The following A1CF variants were observed in gnomAD, a reference collection of about 807,000 sequenced individuals.
A1CF encodes APOBEC-1 stimulating protein.
A1CF carries 48 observed loss-of-function variants against 68.9 expected under a neutral mutation model. The observed-to-expected ratio is 0.70, with a 90% CI of 0.55 to 0.89. A1CF has a LOEUF of 0.89. Ranked by LOEUF, A1CF falls within the 40% of genes least tolerant of loss-of-function variation. A1CF has a pLI of 0.00. For synonymous variants in A1CF, 272 were observed against 260.4 expected (o/e 1.04, Z -0.43); for missense variants, 653 against 718.9 (o/e 0.91, Z 1.05).
intron 6 of A1CF, 111 bp from the exon 7 acceptor site, chr10:50,828,406 G>A (rs1839074377): frequency 2.5e-6 from 2 of 788,076 alleles, no homozygotes; most frequent in East Asian, 5.3e-5. Context: ...TCTTGAATGA[G>A]CAAGAAGACC....
At chr10:50,853,699 A>T (rs1840349660) in intron 3 of A1CF, among the ~76,000 whole-genome samples, 1 of 151,684 alleles carries the variant, frequency 6.6e-6, no homozygotes, top group South Asian at 2.1e-4. Flanking sequence ...TAAAAACTAG[A>T]TTCGCTTCTA....
chr10:50,875,974 A>C (rs1785906212), intron 1 of A1CF, among the ~76,000 whole-genome samples: 2 of 152,146 alleles, frequency 1.3e-5, no homozygotes, highest in African/African-American at 4.8e-5. Context: ...CTTTCAATAC[A>C]AGTCTGGAGC....
In A1CF at chr10:50,828,298, G is replaced by A; in HGVS notation, c.605-3C>T. The A allele has an allele frequency of 6.5e-7, 1 of 1,539,574 alleles. No individual in the cohort carries two copies. The highest frequency in any genetic ancestry group is 8.8e-7 in the Non-Finnish European group (1 of 1,133,862). On this transcript the variant is annotated splice_polypyrimidine_tract_variant and splice_region_variant and intron_variant, in intron 6 of 12. Transcript: ENST00000373997. ...ATGTCCCCATAACTGAATTCTTCCT[G>A]TTGAAAATGATCACCATTATGATTA...
chr10:50,814,130 G>A lies in A1CF; in HGVS notation c.1142-92C>T, dbSNP rs901661982. 1.0e-5 allele frequency: 15 copies of A among 1,449,096 alleles called. No individual in the cohort carries two copies. The African/African-American group carries it at 1.1e-4, about 11-fold the overall frequency. 89.8% of individuals were successfully genotyped at this position (1,449,096 alleles called of 1,614,324 possible). A position where few individuals can be genotyped will look rare whatever the true frequency, so the allele number is the denominator to read the frequency against. Reference sequence around the variant, plus strand: ...AAATCACCCTGAATCTTACTGTAATGGAAAAGTTAGCCCAATTCACGTTGA... The same window carrying A: ...AAATCACCCTGAATCTTACTGTAATAGAAAAGTTAGCCCAATTCACGTTGA... On this transcript the variant is annotated intron_variant, in intron 9 of 12. Coordinates refer to ENST00000373997, the MANE Select transcript of A1CF (RefSeq NM_014576.4).
rs935280367 is a variant in A1CF at position 50,800,880 on chromosome 10, A to T, written c.*5849T>A. ...ATGCAAGGGAATTAGTGTTGGAGCAAATTTGTGAAGCAGAAGGAAAAAAGG... is the reference window on the plus strand; with the variant it reads ...ATGCAAGGGAATTAGTGTTGGAGCATATTTGTGAAGCAGAAGGAAAAAAGG... On this transcript the variant is annotated 3_prime_UTR_variant, in exon 13 of 13. Transcript: ENST00000373997. 6.6e-6 allele frequency: 1 copy of T among 152,168 alleles called. No homozygotes were observed. The highest frequency in any genetic ancestry group is 1.5e-5 in the Non-Finnish European group (1 of 68,024). The allele number at this position is 152,168 out of a possible 1,614,324, so 9.4% of individuals were successfully genotyped here.
intron 1 of A1CF, among the ~76,000 whole-genome samples, chr10:50,874,701 G>A (rs1429270947): frequency 6.6e-6 from 1 of 152,128 alleles, no homozygotes; most frequent in African/African-American, 2.4e-5. Context: ...TCCCTTAACT[G>A]TTACTTGCAA....
rs1386304016 is a variant in A1CF at position 50,806,588 on chromosome 10, T to C, written c.*141A>G. The C allele has an allele frequency of 1.5e-5, 9 of 599,364 alleles. No individual in the cohort carries two copies. Among genetic ancestry groups the C allele is most frequent in the Non-Finnish European group, 2.0e-5 (8 of 393,802 alleles). The allele number at this position is 599,364 out of a possible 1,614,324, so 37.1% of individuals were successfully genotyped here. Reference sequence around the variant, plus strand: ...TCTTACTTCATGATTCTATAATTGGTATAAGCTATACAGTCTCTGGAAAGG... The same window carrying C: ...TCTTACTTCATGATTCTATAATTGGCATAAGCTATACAGTCTCTGGAAAGG... On this transcript the variant is annotated 3_prime_UTR_variant, in exon 13 of 13. Transcript: ENST00000373997.
intron 6 of A1CF, among the ~76,000 whole-genome samples, chr10:50,829,579 G>C (rs980715540): frequency 5.3e-5 from 8 of 152,180 alleles, no homozygotes; most frequent in Admixed American, 4.6e-4. Context: ...CATGTCTTAA[G>C]AGATAACTGA....
At position 50,815,992 on chromosome 10, in the gene A1CF, C is replaced by T. The variant is rs1410087380; in HGVS notation, c.1141+14G>A. ...TCTTGGGATTACTCTAAAGCAAGAT[C>T]TGACTGGTGTTACCTCTAACAGAAG... On this transcript the variant is annotated intron_variant, in intron 9 of 12. Transcript: ENST00000373997. The T allele has an allele frequency of 6.2e-7, 1 of 1,611,820 alleles. No homozygotes were observed. The highest frequency in any genetic ancestry group is 2.2e-5 in the East Asian group (1 of 44,826).
chr10:50,880,717 C>T (rs913165610), intron 1 of A1CF, among the ~76,000 whole-genome samples: 1 of 152,136 alleles, frequency 6.6e-6, no homozygotes, highest in South Asian at 2.1e-4. Flanking sequence ...AAGCACTAAG[C>T]AGAATCCCAG....
intron 3 of A1CF, among the ~76,000 whole-genome samples, chr10:50,846,064 A>G (rs1839987289): frequency 6.6e-6 from 1 of 152,202 alleles, no homozygotes; most frequent in African/African-American, 2.4e-5. Flanking sequence ...TTATTACATA[A>G]AATATTTGGA....
At chr10:50,857,524 A>G (rs1589027992) in intron 3 of A1CF, among the ~76,000 whole-genome samples, 1 of 152,168 alleles carries the variant, frequency 6.6e-6, no homozygotes, top group East Asian at 1.9e-4. Flanking sequence ...TTGCACAAAG[A>G]TATTTGGAGA....
chr10:50,840,695 C>A (rs1421579716), intron 5 of A1CF, among the ~76,000 whole-genome samples: 2 of 152,158 alleles, frequency 1.3e-5, no homozygotes, highest in Non-Finnish European at 1.5e-5. Flanking sequence ...AGCTGACCCC[C>A]AAATTTATAT....
At chr10:50,829,367 G>A (rs1010551961) in intron 6 of A1CF, among the ~76,000 whole-genome samples, 1 of 152,030 alleles carries the variant, frequency 6.6e-6, no homozygotes, top group Admixed American at 6.6e-5. Flanking sequence ...TTCGTTATTT[G>A]GGAATAAACT....
chr10:50,874,444 G>A (rs1841412080), intron 1 of A1CF, among the ~76,000 whole-genome samples: 1 of 152,102 alleles, frequency 6.6e-6, no homozygotes, highest in African/African-American at 2.4e-5. Flanking sequence ...ATATCAATGA[G>A]AAGCACTTTA....
chr10:50,815,412 C>G (rs973224909), intron 9 of A1CF, among the ~76,000 whole-genome samples: 1 of 151,958 alleles, frequency 6.6e-6, no homozygotes, highest in South Asian at 2.1e-4. Context: ...TTGTTCAGTT[C>G]TCCATGTATT....
chr10:50,842,562 A>G (rs1222929249), intron 4 of A1CF, among the ~76,000 whole-genome samples: 1 of 152,162 alleles, frequency 6.6e-6, no homozygotes, highest in East Asian at 1.9e-4. Context: ...AATGAGCCAT[A>G]ATTGTGCCAC....
At chr10:50,845,486 A>G (rs1481023411) in intron 3 of A1CF, among the ~76,000 whole-genome samples, 1 of 152,194 alleles carries the variant, frequency 6.6e-6, no homozygotes, top group African/African-American at 2.4e-5. Flanking sequence ...TTATTATCCC[A>G]TTTACATAAG....
At chr10:50,881,651 A>G (rs1841777478) in intron 1 of A1CF, among the ~76,000 whole-genome samples, 1 of 152,166 alleles carries the variant, frequency 6.6e-6, no homozygotes, top group African/African-American at 2.4e-5. Flanking sequence ...TAATTGCTGG[A>G]GGGAGGGAAG....
Sources: gnomAD v4.1 joint callset for allele counts (sites outside exome capture counted in the v4.1 genomes callset) on GRCh38, gnomAD v4.1.1 for gene constraint, MANE v1.5 for transcripts, NCBI Gene and HGNC (gene_info 2026-07-23, HGNC 2026-07-21) for gene names.